The following KHDRBS2 variants were observed in gnomAD, a reference collection of about 807,000 sequenced individuals.
The protein encoded by KHDRBS2 is KH domain-containing, RNA-binding, signal transduction-associated protein 2.
In KHDRBS2, 26 loss-of-function variants were observed where a neutral mutation model predicts 44.3. That is an observed-to-expected ratio of 0.59 (90% CI 0.43 to 0.81). The LOEUF is 0.81. KHDRBS2 is among the 40% of genes least tolerant of loss of function. The pLI is 0.00. For missense variants in KHDRBS2, 476 were observed against 433.1 expected (o/e 1.10, Z -0.88); for synonymous variants, 194 against 151.1 (o/e 1.28, Z -2.08).
chr6:61,655,374 C>T, the KHDRBS2 span, among the ~76,000 whole-genome samples: 1 of 152,028 alleles, frequency 6.6e-6, no homozygotes, highest in African/African-American at 2.4e-5. Flanking sequence ...CTGCCTCAGC[C>T]TCCCAAGTAG....
chr6:61,910,882 A>C (rs771304426), intron 4 of KHDRBS2, among the ~76,000 whole-genome samples: 1 of 152,190 alleles, frequency 6.6e-6, no homozygotes, highest in Non-Finnish European at 1.5e-5. Flanking sequence ...TTTTTCAATA[A>C]ATTTTCTTGG....
intron 2 of KHDRBS2, among the ~76,000 whole-genome samples, chr6:62,104,300 T>A (rs1238936909): frequency 1.3e-5 from 2 of 152,324 alleles, no homozygotes; most frequent in South Asian, 4.1e-4. Flanking sequence ...AGTCTTTTTT[T>A]TTTAATTATA....
chr6:61,798,810 G>A (rs1287166960), intron 6 of KHDRBS2, among the ~76,000 whole-genome samples: 2 of 151,726 alleles, frequency 1.3e-5, no homozygotes, highest in Admixed American at 6.6e-5. Context: ...TATTTTTATA[G>A]TCATACATAC....
chr6:62,280,147 T>G (rs770819606), intron 1 of KHDRBS2, among the ~76,000 whole-genome samples: 12 of 152,222 alleles, frequency 7.9e-5, no homozygotes, highest in African/African-American at 2.7e-4. Flanking sequence ...GAGTGAATTA[T>G]AAGCAGTTTG....
At chr6:61,730,817 T>TAG in intron 7 of KHDRBS2, among the ~76,000 whole-genome samples, 1 of 151,946 alleles carries the variant, frequency 6.6e-6, no homozygotes, top group Admixed American at 6.6e-5. Context: ...ATACAGCCAT[T>TAG]ATATATATGT....
intron 6 of KHDRBS2, among the ~76,000 whole-genome samples, chr6:61,814,418 C>T (rs148326170): frequency 6.6e-6 from 1 of 152,138 alleles, no homozygotes; most frequent in African/African-American, 2.4e-5. Flanking sequence ...ACCATCCTGG[C>T]TAACATGGTG....
At chr6:62,087,233 G>A (rs1798565729) in intron 2 of KHDRBS2, among the ~76,000 whole-genome samples, 1 of 151,914 alleles carries the variant, frequency 6.6e-6, no homozygotes, top group South Asian at 2.1e-4. Flanking sequence ...CATACCAGAA[G>A]GATATGGTCA....
intron 4 of KHDRBS2, 66 bp downstream of exon 4, chr6:61,978,000 A>T: frequency 1.5e-6 from 2 of 1,322,926 alleles, no homozygotes; most frequent in South Asian, 2.8e-5. Flanking sequence ...GTCAGTGAAG[A>T]TCAAAGGTGC....
At chr6:62,240,713 T>C (rs1417210605) in intron 1 of KHDRBS2, among the ~76,000 whole-genome samples, 5 of 131,558 alleles carry the variant, frequency 3.8e-5, no homozygotes, top group Admixed American at 7.7e-5. Context: ...TATATATATA[T>C]ATATAAACAT....
At chr6:61,612,105 A>AAAATCTTT in the KHDRBS2 span, among the ~76,000 whole-genome samples, 1 of 148,592 alleles carries the variant, frequency 6.7e-6, no homozygotes, top group Non-Finnish European at 1.5e-5. Context: ...AGTACTAGAA[A>AAAATCTTT]AAATCTTTAA....
intron 6 of KHDRBS2, among the ~76,000 whole-genome samples, chr6:61,755,692 T>C (rs1156690528): frequency 2.0e-5 from 3 of 151,112 alleles, no homozygotes; most frequent in Non-Finnish European, 4.4e-5. Flanking sequence ...GTGCCTGTAA[T>C]CCTAGCTACT....
the KHDRBS2 span, among the ~76,000 whole-genome samples, chr6:61,553,079 C>A: frequency 6.6e-6 from 1 of 152,292 alleles, no homozygotes; most frequent in East Asian, 1.9e-4. Flanking sequence ...AGGAATAATA[C>A]TTGCTCTTCT....
chr6:61,759,719 C>T (rs977221565), intron 6 of KHDRBS2, among the ~76,000 whole-genome samples: 6 of 152,170 alleles, frequency 3.9e-5, no homozygotes, highest in Non-Finnish European at 7.4e-5. Flanking sequence ...TAGCACGATT[C>T]AGCCTCAAGT....
chr6:61,860,353 T>G (rs1238803705), intron 6 of KHDRBS2, among the ~76,000 whole-genome samples: 1 of 151,918 alleles, frequency 6.6e-6, no homozygotes, highest in Non-Finnish European at 1.5e-5. Flanking sequence ...TTATTTTTCT[T>G]GATCCTATTC....
chr6:61,905,130 T>C (rs1326019927), intron 4 of KHDRBS2, among the ~76,000 whole-genome samples: 1 of 152,234 alleles, frequency 6.6e-6, no homozygotes, highest in Non-Finnish European at 1.5e-5. Flanking sequence ...ATAAATTGTA[T>C]GTTGCCCAAT....
At chr6:62,007,368 T>C (rs1779439763) in intron 3 of KHDRBS2, among the ~76,000 whole-genome samples, 1 of 152,012 alleles carries the variant, frequency 6.6e-6, no homozygotes, top group South Asian at 2.1e-4. Context: ...TATGAGAGAT[T>C]ACTTTGTTGG....
At chr6:62,072,379 G>A (rs1343998834) in intron 2 of KHDRBS2, among the ~76,000 whole-genome samples, 2 of 152,124 alleles carry the variant, frequency 1.3e-5, no homozygotes, top group African/African-American at 2.4e-5. Flanking sequence ...CCAACACTAC[G>A]TTGAATAGGA....
intron 1 of KHDRBS2, among the ~76,000 whole-genome samples, chr6:62,214,132 A>C (rs1044600605): frequency 2.0e-5 from 3 of 152,094 alleles, no homozygotes; most frequent in African/African-American, 7.2e-5. Flanking sequence ...TCACTTGTTT[A>C]CTCTTGAGAT....
intron 2 of KHDRBS2, among the ~76,000 whole-genome samples, chr6:62,149,603 T>C (rs1814663232): frequency 6.6e-6 from 1 of 152,176 alleles, no homozygotes; most frequent in African/African-American, 2.4e-5. Context: ...CCTAGCATAA[T>C]TTTCTTAACA....
Sources: gnomAD v4.1 joint callset for allele counts (sites outside exome capture counted in the v4.1 genomes callset) on GRCh38, gnomAD v4.1.1 for gene constraint, MANE v1.5 for transcripts, NCBI Gene and HGNC (gene_info 2026-07-23, HGNC 2026-07-21) for gene names.